The following ELF1 variants were observed in gnomAD, a reference collection of about 807,000 sequenced individuals.
ELF1 encodes ETS-related transcription factor Elf-1.
In ELF1, 24 loss-of-function variants were observed where a neutral mutation model predicts 59.9. The observed-to-expected ratio is 0.40, with a 90% CI of 0.29 to 0.56. The LOEUF (loss-of-function observed/expected upper bound fraction) is 0.56. ELF1 is among the 20% of genes least tolerant of loss of function. The probability of loss-of-function intolerance (pLI) is 0.44; values close to 1 mark genes in which losing one functional copy is unlikely to be tolerated. For missense variants in ELF1, 627 were observed against 742.2 expected (o/e 0.84, Z 1.80); for synonymous variants, 248 against 266.2 (o/e 0.93, Z 0.67).
At chr13:40,962,526 A>G (rs1871897319) in intron 2 of ELF1, among the ~76,000 whole-genome samples, 1 of 151,900 alleles carries the variant, frequency 6.6e-6, no homozygotes, top group Non-Finnish European at 1.5e-5. Context: ...TTACTAAAAA[A>G]ATACAAAAAA....
chr13:40,991,286 G>A (rs1255433357), intron 1 of ELF1, among the ~76,000 whole-genome samples: 1 of 152,192 alleles, frequency 6.6e-6, no homozygotes, highest in Non-Finnish European at 1.5e-5. Flanking sequence ...AATAAAGTAT[G>A]AACTTAATGA....
upstream of ELF1, among the ~76,000 whole-genome samples, chr13:41,021,035 T>C (rs376293161): frequency 6.6e-6 from 1 of 152,198 alleles, no homozygotes; most frequent in East Asian, 1.9e-4. Context: ...GAAGCCATTA[T>C]ATAAGGTCAG....
intron 1 of ELF1, among the ~76,000 whole-genome samples, chr13:40,998,843 T>A (rs1874260066): frequency 6.6e-6 from 1 of 152,132 alleles, no homozygotes; most frequent in African/African-American, 2.4e-5. Flanking sequence ...GACCAGGAGT[T>A]CAAGACCAGC....
In ELF1 at chr13:40,959,294, A is replaced by T. The variant is rs112884452; in HGVS notation, c.73-278T>A. Among the ~76,000 whole-genome samples the T allele has an allele frequency of 5.3e-3, 809 of 152,110 alleles. 10 individuals carry two copies. Among genetic ancestry groups the T allele is most frequent in the African/African-American group, 0.019 (778 of 41,504 alleles). On this transcript the variant is annotated intron_variant, in intron 2 of 8. Transcript: ENST00000239882. ...GGCAGATCACGAGGGTCAGGAAATC[A>T]AGACCATCCTGGCTAACATGGTGAA...
intron 1 of ELF1, among the ~76,000 whole-genome samples, chr13:41,044,725 T>A (rs1052531777): frequency 8.5e-5 from 13 of 152,218 alleles, no homozygotes; most frequent in Non-Finnish European, 1.8e-4. Context: ...TTTGCATCGA[T>A]GTTCATCAGG....
chr13:40,975,535 T>C (rs1041407093), intron 2 of ELF1, among the ~76,000 whole-genome samples: 1 of 152,250 alleles, frequency 6.6e-6, no homozygotes, highest in African/African-American at 2.4e-5. Flanking sequence ...AAAAGTTATT[T>C]GAAGTGTTTT....
At position 41,007,477 on chromosome 13, in the gene ELF1, A is replaced by G. The variant is rs955442065; in HGVS notation, c.-229+11751T>C. Among the ~76,000 whole-genome samples the G allele has an allele frequency of 2.6e-5, 4 of 152,310 alleles. No individual in the cohort carries two copies. The East Asian group carries it at 5.8e-4, about 22-fold the overall frequency. The stretch of plus-strand genomic sequence containing the variant: ...ACTGCCAATTCCTTTTGCTGTAAAA[A>G]TAAGGTTGCTATACAAACATCCCTT... On this transcript the variant is annotated intron_variant, in intron 1 of 8. Coordinates refer to ENST00000239882, the MANE Select transcript of ELF1 (RefSeq NM_172373.4).
At chr13:41,050,588 G>A (rs557101239) in intron 1 of ELF1, among the ~76,000 whole-genome samples, 3 of 152,148 alleles carry the variant, frequency 2.0e-5, no homozygotes, top group South Asian at 2.1e-4. Flanking sequence ...ATGGAGTCTC[G>A]CTCTGTCACC....
chr13:41,015,086 C>A (rs566121385), intron 1 of ELF1, among the ~76,000 whole-genome samples: 1 of 152,090 alleles, frequency 6.6e-6, no homozygotes, highest in South Asian at 2.1e-4. Flanking sequence ...GCTGTAAATG[C>A]CACCCTAAAT....
chr13:41,025,981 C>T (rs1355441259), intron 1 of ELF1, among the ~76,000 whole-genome samples: 2 of 152,174 alleles, frequency 1.3e-5, no homozygotes, highest in Non-Finnish European at 2.9e-5. Flanking sequence ...CCAAAAATAC[C>T]TTCACTGTCC....
intron 5 of ELF1, among the ~76,000 whole-genome samples, 161 bp downstream of exon 5, chr13:40,949,645 G>A (rs965777781): frequency 5.3e-5 from 8 of 152,116 alleles, no homozygotes. Flanking sequence ...ATGAATCTCC[G>A]TGCCTGGCCA....
Position 40,941,015 on chromosome 13 carries a change from C to T in ELF1, c.1162G>A (p.Val388Ile), listed in dbSNP as rs142908880. 1.0e-4 allele frequency: 162 copies of T among 1,614,104 alleles called. No individual in the cohort carries two copies. The highest frequency in any genetic ancestry group is 1.6e-4 in the Middle Eastern group (1 of 6,084). The part of the protein sequence containing the change: ...YPTQLFRTVH[V>I]VQPVQAVPEG... ...GGGACAGCCTGTACTGGCTGTACTA[C>T]ATGAACAGTCCGGAAGAGCTGGGTA... The change falls in exon 8 of 9, where the codon GTA becomes ATA. Residue 388 changes from valine to isoleucine, a missense_variant. Around this residue, in one of 3 missense-constraint regions of ELF1, gnomAD observed 361 missense variants for 396.1 expected, o/e 0.91. Coordinates refer to ENST00000239882, the MANE Select transcript of ELF1 (RefSeq NM_172373.4).
At chr13:40,971,757 C>T (rs1013750263) in intron 2 of ELF1, among the ~76,000 whole-genome samples, 2 of 152,112 alleles carry the variant, frequency 1.3e-5, no homozygotes, top group African/African-American at 4.8e-5. Context: ...TAGTCTTTGC[C>T]TAGATTCTTC....
intron 1 of ELF1, among the ~76,000 whole-genome samples, chr13:41,003,036 C>A (rs1287095887): frequency 6.6e-6 from 1 of 152,100 alleles, no homozygotes; most frequent in Non-Finnish European, 1.5e-5. Context: ...TACTAAAATT[C>A]TTCATTAAAC....
At chr13:40,956,381 G>C (rs1052125793) in intron 3 of ELF1, among the ~76,000 whole-genome samples, 3 of 152,088 alleles carry the variant, frequency 2.0e-5, no homozygotes, top group Non-Finnish European at 2.9e-5. Context: ...CAGCATGCTC[G>C]TTAAGAGTCA....
At chr13:41,061,090 G>A (rs564215403) in exon 1 of ELF1, 60 of 195,988 alleles carry the variant, frequency 3.1e-4, no homozygotes, top group Non-Finnish European at 4.2e-4. Context: ...CGGTCCCGCA[G>A]TTTCACCTCT....
rs566109772 is a variant in ELF1, at chr13:41,007,569, G to C, written c.-229+11659C>G. ...AACTTCCCTTTTCTTAATCACAAAG[G>C]CATCAACTAAATGGAAGCACTGAGA... On this transcript the variant is annotated intron_variant, in intron 1 of 8. Coordinates refer to ENST00000239882, the MANE Select transcript of ELF1 (RefSeq NM_172373.4). 3.5e-3 allele frequency among the ~76,000 whole-genome samples: 533 copies of C among 152,130 alleles called. 2 individuals carry two copies. Among genetic ancestry groups the C allele is most frequent in the African/African-American group, 0.012 (487 of 41,514 alleles).
chr13:41,010,852 C>G (rs181549566), intron 1 of ELF1, among the ~76,000 whole-genome samples: 15 of 152,240 alleles, frequency 9.9e-5, no homozygotes, highest in Admixed American at 9.2e-4. Context: ...GTCCATGCCA[C>G]TGCTTATACA....
At chr13:41,021,507 G>GA (rs374439469), upstream of ELF1, among the ~76,000 whole-genome samples, 6 of 150,098 alleles carry the variant, frequency 4.0e-5, no homozygotes, top group African/African-American at 7.3e-5. Context: ...GGATCAAAGA[G>GA]AAAAAAAAAG....
Sources: gnomAD v4.1 joint callset for allele counts (sites outside exome capture counted in the v4.1 genomes callset) on GRCh38, gnomAD v4.1.1 for gene constraint, gnomAD v4.1.1 regional missense constraint, MANE v1.5 for transcripts, NCBI Gene and HGNC (gene_info 2026-07-23, HGNC 2026-07-21) for gene names.